The following CSNK1G2 variants were observed in gnomAD, a reference collection of about 807,000 sequenced individuals.
CSNK1G2 encodes the protein casein kinase I isoform gamma-2.
In CSNK1G2, 11 loss-of-function variants were observed where a neutral mutation model predicts 48.0. That is an observed-to-expected ratio of 0.23 (90% CI 0.14 to 0.38). The LOEUF (loss-of-function observed/expected upper bound fraction) is 0.38. Ranked by LOEUF, CSNK1G2 falls within the 10% of genes least tolerant of loss-of-function variation. The pLI is 1.00. For missense variants in CSNK1G2, 446 were observed against 595.5 expected (o/e 0.75, Z 2.61); for synonymous variants, 337 against 254.1 (o/e 1.33, Z -3.10).
chr19:1,980,480 AAAAC>A lies in CSNK1G2; in HGVS notation c.*279_*282del, dbSNP rs1252175077. ...TTAAAACAAGGAAAAGAGGAAAAAA[AAAAC>A]AGAGGCCCGCCCTACCCCACTCCTG... On this transcript the variant is annotated 3_prime_UTR_variant, in exon 12 of 12. Transcript: ENST00000255641. The A allele has an allele frequency of 2.0e-6, 1 of 508,316 alleles. No individual in the cohort carries two copies. The highest frequency in any genetic ancestry group is 2.0e-5 in the African/African-American group (1 of 50,656). The allele number at this position is 508,316 out of a possible 1,614,324, so 31.5% of individuals were successfully genotyped here. A position where few individuals can be genotyped will look rare whatever the true frequency, so the allele number is the denominator to read the frequency against.
In CSNK1G2 at chr19:1,978,729, G is replaced by T; in HGVS notation, c.426G>T (p.Val142=). Residue 142 remains valine, a synonymous_variant, in exon 5 of 12, where the codon GTG becomes GTT. Transcript: ENST00000255641. The surrounding 1 kb of genome is among the most constrained non-coding windows in gnomAD (Gnocchi z 7.3). ...ACCGGACCTTCACGCTCAAGACGGT[G>T]CTGATGATCGCCATCCAGCTGGTGC... is the stretch of plus-strand genomic sequence containing the variant. The part of the protein sequence containing the change: ...LCDRTFTLKT[V]LMIAIQLITR... 2 of 1,595,978 alleles carry T rather than the reference G, an allele frequency of 1.3e-6. No individual in the cohort carries two copies. Among genetic ancestry groups the T allele is most frequent in the Admixed American group, 1.7e-5 (1 of 57,994 alleles).
chr19:1,977,164 C>T (rs1210569956), intron 2 of CSNK1G2, among the ~76,000 whole-genome samples: 3 of 152,242 alleles, frequency 2.0e-5, no homozygotes, highest in African/African-American at 4.8e-5. Flanking sequence ...TGTCATGCCG[C>T]GGGACAGGTC....
chr19:1,956,894 G>A (rs1386030464), intron 1 of CSNK1G2, among the ~76,000 whole-genome samples: 1 of 152,220 alleles, frequency 6.6e-6, no homozygotes, highest in Non-Finnish European at 1.5e-5. Flanking sequence ...TGGCCAGGCG[G>A]CGGTTGATGG....
At chr19:1,958,210 GTGCCCCTGA>G (rs2015064218) in intron 1 of CSNK1G2, among the ~76,000 whole-genome samples, 1 of 151,928 alleles carries the variant, frequency 6.6e-6, no homozygotes. Context: ...ACCAAAGCCT[GTGCCCCTGA>G]TGTCTGTCCA....
At chr19:1,979,708 A>AC in intron 9 of CSNK1G2, 44 bp from the exon 10 acceptor site, 1 of 1,602,374 alleles carries the variant, frequency 6.2e-7, no homozygotes, top group Non-Finnish European at 8.5e-7. Context: ...GGAGATGGGA[A>AC]CCGGCGCTGC....
intron 1 of CSNK1G2, among the ~76,000 whole-genome samples, chr19:1,967,346 G>A (rs992546334): frequency 3.3e-5 from 5 of 152,122 alleles, no homozygotes; most frequent in East Asian, 1.9e-4. Context: ...CGGCCCCTAC[G>A]TCCTGCCGGT....
rs1454959573 is a variant in CSNK1G2, at chr19:1,979,468, G to A, written c.854-27G>A. 7.7e-6 allele frequency: 6 copies of A among 782,922 alleles called. No individual in the cohort carries two copies. The East Asian group carries it at 5.6e-4, about 73-fold the overall frequency. The allele number at this position is 782,922 out of a possible 1,614,324, so 48.5% of individuals were successfully genotyped here. A position where few individuals can be genotyped will look rare whatever the true frequency, so the allele number is the denominator to read the frequency against. On this transcript the variant is annotated intron_variant, in intron 8 of 11. Transcript: ENST00000255641. ...CCCACCCCCCACCCCCACCCCCGCC[G>A]AGGCCCCGCTGGCGCTCTCTCTGCA...
At chr19:1,952,117 G>T (rs1300024225) in intron 1 of CSNK1G2, among the ~76,000 whole-genome samples, 1 of 152,168 alleles carries the variant, frequency 6.6e-6, no homozygotes, top group African/African-American at 2.4e-5. Context: ...TCTTTTTCGG[G>T]GATAGCCCAA....
chr19:1,949,321 C>A (rs895320819), intron 1 of CSNK1G2, among the ~76,000 whole-genome samples: 1 of 152,210 alleles, frequency 6.6e-6, no homozygotes, highest in African/African-American at 2.4e-5. Context: ...CCCTCTCCAG[C>A]CCCTGGCACC....
rs565975710 is a variant in CSNK1G2 at position 1,972,605 on chromosome 19, C to G, written c.187+2646C>G. On this transcript the variant is annotated intron_variant, in intron 2 of 11. Coordinates refer to ENST00000255641, the MANE Select transcript of CSNK1G2 (RefSeq NM_001319.7). ...ATTATTTCATGAAACGTTTTTCCAT[C>G]TCAGCTTTGCTTTGCTTTGTTTTGT... Among the ~76,000 whole-genome samples, 111 of 152,220 alleles carry G rather than the reference C, an allele frequency of 7.3e-4. 2 individuals are homozygous for G. In the South Asian group the frequency reaches 0.022, roughly 31 times the overall value.
Position 1,979,892 on chromosome 19 carries a change from C to A in CSNK1G2, c.1087-19C>A. 1 of 1,606,120 alleles carries A rather than the reference C, an allele frequency of 6.2e-7. No homozygotes were observed. The highest frequency in any genetic ancestry group is 8.5e-7 in the Non-Finnish European group (1 of 1,176,840). ...GAGGGGCATGGGCGGCCAGCGTGAC[C>A]CCCTACTGCCCCCACCAGGCGTTGA... On this transcript the variant is annotated intron_variant, in intron 10 of 11. Coordinates refer to ENST00000255641, the MANE Select transcript of CSNK1G2 (RefSeq NM_001319.7).
At position 1,954,346 on chromosome 19, in the gene CSNK1G2, C is replaced by T. The variant is rs1318568228; in HGVS notation, c.-266+12928C>T. 2.0e-5 allele frequency: 4 copies of T among 203,422 alleles called. No individual in the cohort carries two copies. The Admixed American group carries it at 2.1e-4, about 11-fold the overall frequency. 12.6% of individuals were successfully genotyped at this position (203,422 alleles called of 1,614,324 possible). ...GCGCTGCAACCCCTCATTTTCTTTCCTTGGGGTGCAGATGAATTGGGGTGG... is the reference window on the plus strand; with the variant it reads ...GCGCTGCAACCCCTCATTTTCTTTCTTTGGGGTGCAGATGAATTGGGGTGG... On this transcript the variant is annotated intron_variant, in intron 1 of 11. Coordinates refer to ENST00000255641, the MANE Select transcript of CSNK1G2 (RefSeq NM_001319.7).
intron 1 of CSNK1G2, among the ~76,000 whole-genome samples, chr19:1,962,988 C>A (rs1202571435): frequency 1.8e-4 from 28 of 151,930 alleles, no homozygotes; most frequent in Admixed American, 1.5e-3. Flanking sequence ...ACAACCCAGC[C>A]ATGAAAAGGA....
chr19:1,979,057 G>C lies in CSNK1G2; in HGVS notation c.646G>C (p.Ala216Pro). ...CGAGCACAAGAGCCTGACGGGCACG[G>C]CGCGCTACATGAGCATCAACACGCA... ...YREHKSLTGT[A>P]RYMSINTHLG... Residue 216 changes from alanine (A) to proline (P), a missense_variant, in exon 6 of 12, where the codon GCG becomes CCG. Transcript: ENST00000255641. The C allele has an allele frequency of 6.3e-7, 1 of 1,598,214 alleles. No individual in the cohort carries two copies. The highest frequency in any genetic ancestry group is 8.5e-7 in the Non-Finnish European group (1 of 1,179,184).
At chr19:1,961,306 A>G (rs937923879) in intron 1 of CSNK1G2, among the ~76,000 whole-genome samples, 1 of 152,182 alleles carries the variant, frequency 6.6e-6, no homozygotes, top group Non-Finnish European at 1.5e-5. Flanking sequence ...GGAGGACTTG[A>G]GGCCGGCTCA....
chr19:1,959,980 C>T (rs889644666), intron 1 of CSNK1G2, among the ~76,000 whole-genome samples: 4 of 152,152 alleles, frequency 2.6e-5, no homozygotes, highest in African/African-American at 9.7e-5. Flanking sequence ...TCCTGCAGGA[C>T]TCTCGGAACT....
At chr19:1,964,359 C>T (rs1000586367) in intron 1 of CSNK1G2, among the ~76,000 whole-genome samples, 1 of 151,896 alleles carries the variant, frequency 6.6e-6, no homozygotes, top group African/African-American at 2.4e-5. Context: ...GACGTGTCAG[C>T]CAGCATTCAG....
At chr19:1,965,276 A>AG (rs552907073) in intron 1 of CSNK1G2, among the ~76,000 whole-genome samples, 2,768 of 150,152 alleles carry the variant, frequency 0.018, 44 homozygotes, top group Non-Finnish European at 0.027. Flanking sequence ...CCAGCTACTC[A>AG]GGAGGCTGAG....
chr19:1,945,821 C>T (rs1207388893), intron 1 of CSNK1G2, among the ~76,000 whole-genome samples: 2 of 113,258 alleles, frequency 1.8e-5, no homozygotes, highest in Admixed American at 1.7e-4. Context: ...GACTCCGTCT[C>T]AAAAAAAAAA....
Sources: gnomAD v4.1 joint callset for allele counts (sites outside exome capture counted in the v4.1 genomes callset) on GRCh38, gnomAD v4.1.1 for gene constraint, Gnocchi (gnomAD v3.1) non-coding constraint, MANE v1.5 for transcripts, NCBI Gene and HGNC (gene_info 2026-07-23, HGNC 2026-07-21) for gene names.